DPYD: variants seen among roughly 807,000 people sequenced by gnomAD.
DPYD encodes dihydropyrimidine dehydrogenase [NADP(+)].
Under a neutral mutation model 116.2 loss-of-function variants are expected in DPYD, and 109 were observed. That is an observed-to-expected ratio of 0.94 (90% CI 0.80 to 1.10). The LOEUF (loss-of-function observed/expected upper bound fraction) is 1.10, where lower values mean the gene tolerates loss of function less well. Among genes scored for constraint, DPYD ranks in the 50% least tolerant of loss-of-function variants. DPYD has a pLI of 0.00. For synonymous variants in DPYD, 440 were observed against 432.0 expected, an observed-to-expected ratio of 1.02 and a Z score of -0.23; for missense variants, 1,302 against 1,254.5, an observed-to-expected ratio of 1.04 and a Z score of -0.57.
At chr1:97,524,603 T>C (rs1169404000) in intron 12 of DPYD, among the ~76,000 whole-genome samples, 1 of 152,178 alleles carries the variant, frequency 6.6e-6, no homozygotes, top group East Asian at 1.9e-4. Context: ...AACCCAAGAA[T>C]ATTTCTGGAT....
chr1:97,797,257 G>GA (rs1667619128), intron 3 of DPYD: 1 of 152,068 alleles, frequency 6.6e-6, no homozygotes, highest in Non-Finnish European at 1.5e-5. Flanking sequence ...ATGCTTCAAT[G>GA]AAAAGCAGGC....
At chr1:97,920,356 T>C (rs909696112) in intron 1 of DPYD, among the ~76,000 whole-genome samples, 1 of 152,202 alleles carries the variant, frequency 6.6e-6, no homozygotes, top group Non-Finnish European at 1.5e-5. Context: ...ATTCTCTCCA[T>C]GTTAAATTAT....
intron 19 of DPYD, among the ~76,000 whole-genome samples, chr1:97,208,825 G>A (rs1030027855): frequency 2.0e-5 from 3 of 152,052 alleles, no homozygotes; most frequent in Admixed American, 6.6e-5. Context: ...AATGAGATAA[G>A]AATTATTAAG....
chr1:97,899,714 C>T (rs551908654), intron 1 of DPYD, among the ~76,000 whole-genome samples: 6 of 151,906 alleles, frequency 3.9e-5, no homozygotes, highest in South Asian at 2.1e-4. Context: ...AATGGCAATA[C>T]GTAATTTCTT....
chr1:97,494,751 A>AACAC (rs10657499), intron 13 of DPYD, among the ~76,000 whole-genome samples: 9,836 of 146,664 alleles, frequency 0.067, 365 homozygotes, highest in Middle Eastern at 0.15. Context: ...CAAAAAAGAA[A>AACAC]ACACACACAC....
chr1:97,395,016 C>T (rs1225422766), intron 14 of DPYD, among the ~76,000 whole-genome samples: 1 of 151,874 alleles, frequency 6.6e-6, no homozygotes, highest in Non-Finnish European at 1.5e-5. Flanking sequence ...CGATCATTTT[C>T]TCTAGTAAAT....
chr1:97,650,036 T>C (rs773706281), intron 8 of DPYD, among the ~76,000 whole-genome samples: 1 of 152,114 alleles, frequency 6.6e-6, no homozygotes, highest in Non-Finnish European at 1.5e-5. Context: ...AACCTAGCTA[T>C]CTACCATCTC....
chr1:97,742,526 T>C (rs1664325782), intron 3 of DPYD, among the ~76,000 whole-genome samples: 1 of 152,164 alleles, frequency 6.6e-6, no homozygotes. Context: ...ATCTATCATT[T>C]AGTTGAATTC....
chr1:97,126,797 G>A lies in DPYD; in HGVS notation c.2623-28165C>T, dbSNP rs78333997. 6.9e-3 allele frequency among the ~76,000 whole-genome samples: 1,051 copies of A among 152,232 alleles called. 14 individuals are homozygous for A. The highest frequency in any genetic ancestry group is 0.024 in the African/African-American group (984 of 41,538). ...GCTAAAACTTCATTTTCTCTTTAGC[G>A]TGTCTTTTGCACATGATTTCCACAT... On this transcript the variant is annotated intron_variant, in intron 20 of 22. Transcript: ENST00000370192.
At chr1:97,813,002 G>A (rs1445950626) in intron 3 of DPYD, among the ~76,000 whole-genome samples, 1 of 152,120 alleles carries the variant, frequency 6.6e-6, no homozygotes, top group East Asian at 1.9e-4. Context: ...TGCAGGACAA[G>A]TCTTGTATTA....
intron 19 of DPYD, among the ~76,000 whole-genome samples, chr1:97,203,796 A>T (rs1659407719): frequency 4.0e-5 from 2 of 49,734 alleles, no homozygotes; most frequent in South Asian, 3.4e-3. Flanking sequence ...CACATTCCAA[A>T]AAAAAAAAAA....
chr1:97,703,842 G>C (rs964376779), intron 5 of DPYD, among the ~76,000 whole-genome samples: 4 of 151,940 alleles, frequency 2.6e-5, no homozygotes, highest in Non-Finnish European at 5.9e-5. Flanking sequence ...TTTTTAATAT[G>C]ATTTTTATGA....
intron 11 of DPYD, among the ~76,000 whole-genome samples, chr1:97,553,941 C>G (rs1198992524): frequency 6.6e-6 from 1 of 151,918 alleles, no homozygotes; most frequent in African/African-American, 2.4e-5. Context: ...ACCAAACATT[C>G]AAGATTTATG....
At chr1:97,751,460 G>GTGTGTGTATATATATATATATA (rs763260651) in intron 3 of DPYD, among the ~76,000 whole-genome samples, 3 of 21,288 alleles carry the variant, frequency 1.4e-4, no homozygotes, top group Non-Finnish European at 2.4e-4. Context: ...GTGTGTGTGT[G>GTGTGTGTATATATATATATATA]TATATATATA....
intron 4 of DPYD, among the ~76,000 whole-genome samples, chr1:97,738,188 T>A (rs1432848538): frequency 1.3e-5 from 2 of 152,166 alleles, no homozygotes; most frequent in Non-Finnish European, 2.9e-5. Flanking sequence ...TGCATTCTCA[T>A]ATAAAGTAGT....
intron 1 of DPYD, among the ~76,000 whole-genome samples, chr1:97,884,782 G>C (rs1672397588): frequency 1.3e-5 from 2 of 151,908 alleles, no homozygotes; most frequent in Non-Finnish European, 2.9e-5. Flanking sequence ...CGGGATTCCT[G>C]ACTTTTCAAA....
chr1:97,209,926 AAT>A (rs1275297012), intron 19 of DPYD, among the ~76,000 whole-genome samples: 2 of 152,184 alleles, frequency 1.3e-5, no homozygotes, highest in Non-Finnish European at 2.9e-5. Context: ...CTACATCTTT[AAT>A]TCCACAAACT....
At chr1:97,232,115 A>T (rs1287548704) in intron 19 of DPYD, among the ~76,000 whole-genome samples, 2 of 152,142 alleles carry the variant, frequency 1.3e-5, no homozygotes, top group Non-Finnish European at 2.9e-5. Flanking sequence ...CTGGCAATAC[A>T]TTCTCTTAGT....
chr1:97,501,203 C>T (rs1046916717), intron 13 of DPYD, among the ~76,000 whole-genome samples: 5 of 152,006 alleles, frequency 3.3e-5, no homozygotes, highest in Non-Finnish European at 5.9e-5. Flanking sequence ...ATAAACTTGT[C>T]TTTTATTTAA....
Sources: gnomAD v4.1 joint callset for allele counts (sites outside exome capture counted in the v4.1 genomes callset) on GRCh38, gnomAD v4.1.1 for gene constraint, MANE v1.5 for transcripts, NCBI Gene and HGNC (gene_info 2026-07-23, HGNC 2026-07-21) for gene names.